The following ADGRG1 variants were observed in gnomAD, a reference collection of about 807,000 sequenced individuals.
The protein encoded by ADGRG1 is 7-transmembrane protein with no EGF-like N-terminal domains-1.
In ADGRG1, 53 loss-of-function variants were observed where a neutral mutation model predicts 73.5. That is an observed-to-expected ratio of 0.72 (90% CI 0.58 to 0.91). ADGRG1 has a LOEUF of 0.91. ADGRG1 is among the 40% of genes least tolerant of loss of function. The pLI, the probability that ADGRG1 is intolerant of heterozygous loss-of-function variation, is 0.00. For synonymous variants in ADGRG1, 394 were observed against 374.4 expected, an observed-to-expected ratio of 1.05 and a Z score of -0.60; for missense variants, 795 against 871.8, an observed-to-expected ratio of 0.91 and a Z score of 1.11.
At chr16:57,634,844 T>C (rs1982395) in intron 1 of ADGRG1, among the ~76,000 whole-genome samples, 89,932 of 152,172 alleles carry the variant, frequency 0.59, 28,188 homozygotes, top group African/African-American at 0.81. Context: ...AAGCATCACA[T>C]GGGTCTTTCT....
At position 57,663,857 on chromosome 16, in the gene ADGRG1, C is replaced by T. The variant is rs1274627098; in HGVS notation, c.*275C>T. On this transcript the variant is annotated 3_prime_UTR_variant, in exon 14 of 14. Coordinates refer to ENST00000562631, the MANE Select transcript of ADGRG1 (RefSeq NM_201525.4). Reference sequence around the variant, plus strand: ...GTACTGTCCCCACATCTGTCCCAACCCAGCTGGAGGCCTGGTCTCTCCTTA... The same window carrying T: ...GTACTGTCCCCACATCTGTCCCAACTCAGCTGGAGGCCTGGTCTCTCCTTA... 1 of 530,462 alleles carries T rather than the reference C, an allele frequency of 1.9e-6. No homozygotes were observed. Among genetic ancestry groups the T allele is most frequent in the African/African-American group, 1.9e-5 (1 of 52,474 alleles). The allele number at this position is 530,462 out of a possible 1,614,324, so 32.9% of individuals were successfully genotyped here.
At chr16:57,622,900 C>A (rs2035142320), upstream of ADGRG1, 1 of 985,442 alleles carries the variant, frequency 1.0e-6, no homozygotes, top group Non-Finnish European at 1.2e-6. Flanking sequence ...GAACTGCATT[C>A]TGCAGTGGCC....
chr16:57,634,726 T>G (rs1322530996), intron 1 of ADGRG1: 1 of 173,856 alleles, frequency 5.8e-6, no homozygotes, highest in East Asian at 1.9e-4. Flanking sequence ...GAAGCAACTT[T>G]GGCATCGCAT....
At chr16:57,639,056 C>T (rs1420454870) in intron 1 of ADGRG1, among the ~76,000 whole-genome samples, 8 of 148,522 alleles carry the variant, frequency 5.4e-5, no homozygotes, top group African/African-American at 1.7e-4. Context: ...GGCGAAAGAG[C>T]GAAACTCTGT....
intron 1 of ADGRG1, chr16:57,648,402 G>T: frequency 7.3e-6 from 7 of 956,856 alleles, no homozygotes; most frequent in Non-Finnish European, 8.7e-6. Context: ...TTCTCAAAGG[G>T]CTCTGTGATG....
At chr16:57,627,267 C>G (rs2036024407), upstream of ADGRG1, 1 of 171,192 alleles carries the variant, frequency 5.8e-6, no homozygotes, top group African/African-American at 2.4e-5. Flanking sequence ...TTTTCCTGGC[C>G]CCCTTGTTTA....
At position 57,662,419 on chromosome 16, in the gene ADGRG1, G is replaced by A. The variant is rs199662353; in HGVS notation, c.1933+454G>A. 2.2e-3 allele frequency among the ~76,000 whole-genome samples: 338 copies of A among 151,446 alleles called. 3 individuals are homozygous for A. Among genetic ancestry groups the A allele is most frequent in the African/African-American group, 7.7e-3 (320 of 41,350 alleles). Reference sequence around the variant, plus strand: ...GATCCCCCCATGGAGAGATGGGGGGGCCTCCCTACTCCAGGCGCGGTCCAC... The same window carrying A: ...GATCCCCCCATGGAGAGATGGGGGGACCTCCCTACTCCAGGCGCGGTCCAC... On this transcript the variant is annotated intron_variant, in intron 13 of 13. Coordinates refer to ENST00000562631, the MANE Select transcript of ADGRG1 (RefSeq NM_201525.4).
intron 10 of ADGRG1, among the ~76,000 whole-genome samples, chr16:57,657,864 C>G (rs2046136092): frequency 6.6e-6 from 1 of 152,022 alleles, no homozygotes; most frequent in South Asian, 2.1e-4. Flanking sequence ...GCCTCAGCCT[C>G]CTGAGTAGTT....
intron 1 of ADGRG1, chr16:57,646,789 CCCGTAT>C: frequency 1.2e-6 from 1 of 852,898 alleles, no homozygotes; most frequent in Non-Finnish European, 1.4e-6. Context: ...AGCAGTGAGA[CCCGTAT>C]CACAGGGTGG....
At chr16:57,637,115 A>T (rs994566209) in intron 1 of ADGRG1, among the ~76,000 whole-genome samples, 1 of 152,074 alleles carries the variant, frequency 6.6e-6, no homozygotes, top group Non-Finnish European at 1.5e-5. Context: ...CAAGGAAGGG[A>T]TGGGGTGGCG....
At position 57,653,277 on chromosome 16, in the gene ADGRG1, C is replaced by T. The variant is rs766533641; in HGVS notation, c.562C>T (p.Gln188Ter). Residue 188 changes from glutamine (Q) to a stop codon, truncating the protein, a stop_gained, in exon 4 of 14, where the codon CAG becomes TAG. Transcript: ENST00000562631. LOFTEE classifies it high-confidence loss of function. ...CAAAAGGGACCTCCAGCTGCTCAGC[C>T]AGTTCCTGAAGCATCCCCAGAAGGC... ...ELKRDLQLLS[Q>*]FLKHPQKASR... The T allele has an allele frequency of 2.5e-6, 4 of 1,612,934 alleles. No homozygotes were observed. Among genetic ancestry groups the T allele is most frequent in the Non-Finnish European group, 2.5e-6 (3 of 1,179,976 alleles).
At chr16:57,661,455 G>T in intron 12 of ADGRG1, 1 of 984,624 alleles carries the variant, frequency 1.0e-6, no homozygotes, top group Middle Eastern at 5.2e-4. Context: ...TCTTTATGTT[G>T]TGACCCAGTG....
intron 1 of ADGRG1, chr16:57,630,557 C>G (rs75748498): frequency 1.0e-6 from 1 of 982,374 alleles, no homozygotes; most frequent in Non-Finnish European, 1.2e-6. Context: ...TGGAGAACGC[C>G]GCTCCAGGTG....
chr16:57,663,887 C>T lies in ADGRG1; in HGVS notation c.*305C>T, dbSNP rs1666810041. ...TGGAGGCCTGGTCTCTCCTTACAAC[C>T]CCTGGGCCCAGCCCTCATTGCTGGG... On this transcript the variant is annotated 3_prime_UTR_variant, in exon 14 of 14. Coordinates refer to ENST00000562631, the MANE Select transcript of ADGRG1 (RefSeq NM_201525.4). 4 of 476,904 alleles carry T rather than the reference C, an allele frequency of 8.4e-6. No individual in the cohort carries two copies. The highest frequency in any genetic ancestry group is 7.8e-5 in the African/African-American group (4 of 51,074). The allele number at this position is 476,904 out of a possible 1,614,324, so 29.5% of individuals were successfully genotyped here.
At chr16:57,630,282 G>A in intron 1 of ADGRG1, 1 of 795,892 alleles carries the variant, frequency 1.3e-6, no homozygotes, top group Non-Finnish European at 1.5e-6. Flanking sequence ...TGCCAAGTTG[G>A]CTCCCCAGAG....
chr16:57,634,435 A>C (rs2038843879), intron 1 of ADGRG1: 1 of 984,762 alleles, frequency 1.0e-6, no homozygotes, highest in Non-Finnish European at 1.2e-6. Flanking sequence ...GGGGCGACTC[A>C]CAGCCCAAAC....
At chr16:57,653,705 C>T in intron 4 of ADGRG1, 1 of 811,096 alleles carries the variant, frequency 1.2e-6, no homozygotes, top group Non-Finnish European at 1.5e-6. Flanking sequence ...CCCAGGACAG[C>T]CCCCACCACA....
intron 1 of ADGRG1, among the ~76,000 whole-genome samples, chr16:57,632,650 C>T (rs2038287104): frequency 6.6e-6 from 1 of 152,222 alleles, no homozygotes. Context: ...CAGCCTGACT[C>T]GTGCTTTGGT....
intron 1 of ADGRG1, chr16:57,637,704 C>A (rs572539426): frequency 1.0e-6 from 1 of 985,272 alleles, no homozygotes; most frequent in African/African-American, 1.7e-5. Flanking sequence ...AGCCTCCTGA[C>A]TGAAGCTGCC....
Sources: allele counts gnomAD v4.1 joint callset (sites outside exome capture counted in the v4.1 genomes callset), GRCh38; gene constraint gnomAD v4.1.1; transcripts MANE v1.5; gene names NCBI Gene and HGNC (gene_info 2026-07-23, HGNC 2026-07-21).